Variants in SUMO3 observed in about 807,000 individuals in gnomAD.
SUMO3 encodes small ubiquitin like modifier 3.
In SUMO3, 2 loss-of-function variants were observed where a neutral mutation model predicts 11.1. That is an observed-to-expected ratio of 0.18 (90% CI 0.07 to 0.57). The LOEUF is 0.57. Among genes scored for constraint, SUMO3 ranks in the 20% least tolerant of loss-of-function variants. The pLI is 0.92. For missense variants in SUMO3, 70 were observed against 132.8 expected, an observed-to-expected ratio of 0.53 and a Z score of 2.32; for synonymous variants, 56 against 53.5, an observed-to-expected ratio of 1.05 and a Z score of -0.20.
rs550185619 is a variant in SUMO3, at chr21:44,809,357, G to A, written c.151-239C>T. Reference sequence around the variant, plus strand: ...AGTGGGCCTACAATCTCTTTCACGCGGTGCCTGACACCACTGCTTTCAGAA... The same window carrying A: ...AGTGGGCCTACAATCTCTTTCACGCAGTGCCTGACACCACTGCTTTCAGAA... On this transcript the variant is annotated intron_variant, in intron 2 of 3. Transcript: ENST00000332859. 5.9e-5 allele frequency among the ~76,000 whole-genome samples: 9 copies of A among 152,280 alleles called. No individual in the cohort carries two copies. The East Asian group carries it at 7.7e-4, about 13-fold the overall frequency.
In SUMO3 at chr21:44,806,391, T is replaced by TC. The variant is rs1381849074; in HGVS notation, c.*559dup. 1 of 152,470 alleles carries TC rather than the reference T, an allele frequency of 6.6e-6. No homozygotes were observed. The highest frequency in any genetic ancestry group is 1.5e-5 in the Non-Finnish European group (1 of 68,256). The allele number at this position is 152,470 out of a possible 1,614,324, so 9.4% of individuals were successfully genotyped here. A position where few individuals can be genotyped will look rare whatever the true frequency, so the allele number is the denominator to read the frequency against. The stretch of plus-strand genomic sequence containing the variant: ...TATTTTTTAACCTTTGAAGAAGCAT[T>TC]CCAGTATTTTCCCTTCAACTTTTCC... On this transcript the variant is annotated 3_prime_UTR_variant, in exon 4 of 4. Coordinates refer to ENST00000332859, the MANE Select transcript of SUMO3 (RefSeq NM_006936.3).
rs964085625 is a variant in SUMO3, at chr21:44,811,026, G to C, written c.151-1908C>G. ...TGCACACACCCACATATGCACACAC[G>C]CACACACCCACATACACACACGCAC... is the stretch of plus-strand genomic sequence containing the variant. On this transcript the variant is annotated intron_variant, in intron 2 of 3. Coordinates refer to ENST00000332859, the MANE Select transcript of SUMO3 (RefSeq NM_006936.3). The surrounding 1 kb of genome is among the most constrained non-coding windows in gnomAD (Gnocchi z 5.0). Among the ~76,000 whole-genome samples, 1 of 79,722 alleles carries C rather than the reference G, an allele frequency of 1.3e-5. No homozygotes were observed. Among genetic ancestry groups the C allele is most frequent in the African/African-American group, 4.7e-5 (1 of 21,208 alleles). The allele number at this position is 79,722 out of a possible 152,430, so 52.3% of individuals were successfully genotyped here.
At chr21:44,809,783 G>T (rs1569307709) in intron 2 of SUMO3, among the ~76,000 whole-genome samples, 1 of 152,222 alleles carries the variant, frequency 6.6e-6, no homozygotes, top group Non-Finnish European at 1.5e-5. Flanking sequence ...TAACCTTCCA[G>T]TGGCTAGCTT....
Position 44,806,629 on chromosome 21 carries a change from G to A in SUMO3, c.*322C>T, listed in dbSNP as rs2083178593. ...AGTCAGATCCCTGGCCAGACTAAAA[G>A]CGAACATTCAGGCTATAATTTTGGG... On this transcript the variant is annotated 3_prime_UTR_variant, in exon 4 of 4. Coordinates refer to ENST00000332859, the MANE Select transcript of SUMO3 (RefSeq NM_006936.3). 5.1e-6 allele frequency: 2 copies of A among 393,834 alleles called. No individual in the cohort carries two copies. The highest frequency in any genetic ancestry group is 4.2e-5 in the African/African-American group (2 of 47,456). 24.4% of individuals were successfully genotyped at this position (393,834 alleles called of 1,614,324 possible). A position where few individuals can be genotyped will look rare whatever the true frequency, so the allele number is the denominator to read the frequency against.
At position 44,807,093 on chromosome 21, in the gene SUMO3, T is replaced by C; in HGVS notation, c.223-53A>G. The C allele has an allele frequency of 6.3e-7, 1 of 1,598,908 alleles. No homozygotes were observed. Among genetic ancestry groups the C allele is most frequent in the South Asian group, 1.1e-5 (1 of 90,052 alleles). On this transcript the variant is annotated intron_variant, in intron 3 of 3. Transcript: ENST00000332859. This position sits in a 1 kb window ranked among gnomAD's most constrained non-coding sequence, Gnocchi z 4.3. ...CGAGAGAGAGGGGAGCCTGTTAGTTTTCATCAGAGAGTGGGAAGATCCTCA... is the reference window on the plus strand; with the variant it reads ...CGAGAGAGAGGGGAGCCTGTTAGTTCTCATCAGAGAGTGGGAAGATCCTCA...
At position 44,807,071 on chromosome 21, in the gene SUMO3, G is replaced by C. The variant is rs372559917; in HGVS notation, c.223-31C>G. On this transcript the variant is annotated intron_variant, in intron 3 of 3. Coordinates refer to ENST00000332859, the MANE Select transcript of SUMO3 (RefSeq NM_006936.3). This position sits in a 1 kb window ranked among gnomAD's most constrained non-coding sequence, Gnocchi z 4.3. ...ATGGTTGTCACAACAGGCACAGCGA[G>C]AGAGAGGGGAGCCTGTTAGTTTTCA... 41 of 1,610,052 alleles carry C rather than the reference G, an allele frequency of 2.5e-5. No homozygotes were observed. Among genetic ancestry groups the C allele is most frequent in the Non-Finnish European group, 3.2e-5 (38 of 1,177,744 alleles).
intron 3 of SUMO3, chr21:44,808,335 AC>A: frequency 2.5e-6 from 1 of 404,040 alleles, no homozygotes. Context: ...ACATGGTGAA[AC>A]CCCGTCTCTA....
intron 1 of SUMO3, among the ~76,000 whole-genome samples, chr21:44,817,310 CGAA>C (rs2083251546): frequency 7.1e-6 from 1 of 140,936 alleles, no homozygotes; most frequent in Admixed American, 7.0e-5. Context: ...TGGGGAGACA[CGAA>C]GGAGAGGGGT....
At position 44,807,086 on chromosome 21, in the gene SUMO3, G is replaced by A. The variant is rs1233559793; in HGVS notation, c.223-46C>T. 9 of 1,603,228 alleles carry A rather than the reference G, an allele frequency of 5.6e-6. No homozygotes were observed. The highest frequency in any genetic ancestry group is 7.7e-6 in the Non-Finnish European group (9 of 1,173,384). ...GGCACAGCGAGAGAGAGGGGAGCCT[G>A]TTAGTTTTCATCAGAGAGTGGGAAG... On this transcript the variant is annotated intron_variant, in intron 3 of 3. Transcript: ENST00000332859. This position sits in a 1 kb window ranked among gnomAD's most constrained non-coding sequence, Gnocchi z 4.3.
rs2083223863 is a variant in SUMO3, at chr21:44,813,388, C to CAA, written c.150+587_150+588insTT. The CAA allele has an allele frequency of 8.2e-5, 15 of 181,936 alleles. No homozygotes were observed. In the South Asian group the frequency reaches 1.9e-3, roughly 23 times the overall value. The allele number at this position is 181,936 out of a possible 1,614,324, so 11.3% of individuals were successfully genotyped here. A position where few individuals can be genotyped will look rare whatever the true frequency, so the allele number is the denominator to read the frequency against. Reference sequence around the variant, plus strand: ...ACAGCGTTACCAAGAACAACAGACACACACACACCACGTCACAAACAGCAG... The same window carrying CAA: ...ACAGCGTTACCAAGAACAACAGACACAAACACACACCACGTCACAAACAGCAG... On this transcript the variant is annotated intron_variant, in intron 2 of 3. Coordinates refer to ENST00000332859, the MANE Select transcript of SUMO3 (RefSeq NM_006936.3).
rs1260787621 is a variant in SUMO3 at position 44,811,825 on chromosome 21, A to G, written c.150+2151T>C. Among the ~76,000 whole-genome samples, 2 of 152,172 alleles carry G rather than the reference A, an allele frequency of 1.3e-5. No homozygotes were observed. Among genetic ancestry groups the G allele is most frequent in the Non-Finnish European group, 2.9e-5 (2 of 68,036 alleles). On this transcript the variant is annotated intron_variant, in intron 2 of 3. Transcript: ENST00000332859. The surrounding 1 kb of genome is among the most constrained non-coding windows in gnomAD (Gnocchi z 5.0). ...AACAGGAACTCCAAAAAGAGGGAAC[A>G]GAGTCTGGAGAAGGATACAAATTAT...
chr21:44,813,930 C>A, intron 2 of SUMO3, 46 bp downstream of exon 2: 2 of 1,603,392 alleles, frequency 1.2e-6, no homozygotes, highest in South Asian at 1.1e-5. Context: ...ACGCACAGGA[C>A]CAGTGCGCAC....
At position 44,811,939 on chromosome 21, in the gene SUMO3, A is replaced by G. The variant is rs1224851439; in HGVS notation, c.150+2037T>C. On this transcript the variant is annotated intron_variant, in intron 2 of 3. Coordinates refer to ENST00000332859, the MANE Select transcript of SUMO3 (RefSeq NM_006936.3). The surrounding 1 kb of genome is among the most constrained non-coding windows in gnomAD (Gnocchi z 5.0). Reference sequence around the variant, plus strand: ...AGCAGCATGAGTGAGAAAATCACCCACCTCTGAGGCACATAAGGAAACACT... The same window carrying G: ...AGCAGCATGAGTGAGAAAATCACCCGCCTCTGAGGCACATAAGGAAACACT... Among the ~76,000 whole-genome samples the G allele has an allele frequency of 6.6e-6, 1 of 151,224 alleles. No homozygotes were observed.
chr21:44,813,836 C>T (rs778141401), intron 2 of SUMO3, 140 bp downstream of exon 2: 25 of 1,547,124 alleles, frequency 1.6e-5, no homozygotes, highest in East Asian at 2.4e-5. Flanking sequence ...CACAAGCCCC[C>T]GCCTGCCCAT....
rs2083204695 is a variant in SUMO3 at position 44,810,703 on chromosome 21, C to G, written c.151-1585G>C. ...AGAACCTGCAATCCAGACAGATCAC[C>G]CCATGTGGATGCACAGCCCTGGCAG... is the stretch of plus-strand genomic sequence containing the variant. On this transcript the variant is annotated intron_variant, in intron 2 of 3. Transcript: ENST00000332859. This position sits in a 1 kb window ranked among gnomAD's most constrained non-coding sequence, Gnocchi z 4.1. Among the ~76,000 whole-genome samples, 1 of 152,142 alleles carries G rather than the reference C, an allele frequency of 6.6e-6. No individual in the cohort carries two copies. Among genetic ancestry groups the G allele is most frequent in the African/African-American group, 2.4e-5 (1 of 41,410 alleles).
At chr21:44,812,052 CCT>C (rs1491265637) in intron 2 of SUMO3, among the ~76,000 whole-genome samples, 4 of 26,100 alleles carry the variant, frequency 1.5e-4, no homozygotes, top group Non-Finnish European at 2.3e-4. Flanking sequence ...GAACTTCTCA[CCT>C]TTTTTTTTTT....
intron 3 of SUMO3, chr21:44,808,308 C>G (rs533978258): frequency 6.0e-5 from 20 of 335,744 alleles, no homozygotes; most frequent in South Asian, 3.2e-4. Flanking sequence ...GTCAGGAGAT[C>G]GAGACCATCC....
In SUMO3 at chr21:44,818,020, G is replaced by T; in HGVS notation, c.-52C>A. The T allele has an allele frequency of 8.5e-7, 1 of 1,170,452 alleles. No homozygotes were observed. Among genetic ancestry groups the T allele is most frequent in the Non-Finnish European group, 1.1e-6 (1 of 946,626 alleles). 72.5% of individuals were successfully genotyped at this position (1,170,452 alleles called of 1,614,324 possible). ...GCGCGGGGGAAGCAGCGCGGAGCGG[G>T]CGAGTCACGCTCTCGGCCCCGCCGC... is the stretch of plus-strand genomic sequence containing the variant. On this transcript the variant is annotated 5_prime_UTR_variant, in exon 1 of 4. Transcript: ENST00000332859.
chr21:44,817,488 C>T (rs2083253089), intron 1 of SUMO3, among the ~76,000 whole-genome samples: 1 of 152,060 alleles, frequency 6.6e-6, no homozygotes, highest in South Asian at 2.1e-4. Context: ...CCCGAGCCGA[C>T]TCCGTGCACT....
Sources: allele counts gnomAD v4.1 joint callset (sites outside exome capture counted in the v4.1 genomes callset), GRCh38; gene constraint gnomAD v4.1.1; non-coding constraint Gnocchi (gnomAD v3.1); transcripts MANE v1.5; gene names NCBI Gene and HGNC (gene_info 2026-07-23, HGNC 2026-07-21).